The following SRGAP2C variants were observed in gnomAD, a reference collection of about 807,000 sequenced individuals.
The protein encoded by SRGAP2C is SLIT-ROBO Rho GTPase activating protein 2C, also known as SLIT-ROBO Rho GTPase-activating protein 2C.
A neutral mutation model predicts 25.1 loss-of-function variants in SRGAP2C; 15 were observed. The observed-to-expected ratio is 0.60, with a 90% CI of 0.40 to 0.92. The LOEUF (loss-of-function observed/expected upper bound fraction) is 0.92, where lower values mean the gene tolerates loss of function less well. SRGAP2C is among the 40% of genes least tolerant of loss of function. SRGAP2C has a pLI of 0.00. For missense variants in SRGAP2C, 144 were observed against 264.4 expected (o/e 0.54, Z 3.16); for synonymous variants, 44 against 96.6 (o/e 0.46, Z 3.19).
chr1:121,368,075 CAA>C (rs60409686), intron 5 of SRGAP2C, among the ~76,000 whole-genome samples: 8 of 46,496 alleles, frequency 1.7e-4, no homozygotes, highest in African/African-American at 2.5e-4. Context: ...GACTCTGTCT[CAA>C]AAAAAAAAAA....
At chr1:121,305,992 AG>A (rs1657820977) in intron 3 of SRGAP2C, among the ~76,000 whole-genome samples, 1 of 152,204 alleles carries the variant, frequency 6.6e-6, no homozygotes, top group Non-Finnish European at 1.5e-5. Flanking sequence ...TAATCAAGCT[AG>A]GGCTGTTGGT....
At chr1:121,295,725 T>C (rs1293023024) in intron 3 of SRGAP2C, among the ~76,000 whole-genome samples, 8 of 150,688 alleles carry the variant, frequency 5.3e-5, no homozygotes, top group African/African-American at 2.0e-4. Context: ...AGAGAGGGGC[T>C]TTTTTGTTTT....
In SRGAP2C at chr1:121,340,739, G is replaced by A. The variant is rs1345020897; in HGVS notation, c.423+16099G>A. On this transcript the variant is annotated intron_variant, in intron 4 of 9. Transcript: ENST00000367123. ...ATGTTCTTTTAATTACCTGCTGCCA[G>A]GATTCTCAATTAGCCATCTGTTTCT... Among the ~76,000 whole-genome samples, 3 of 151,624 alleles carry A rather than the reference G, an allele frequency of 2.0e-5. No homozygotes were observed. The South Asian group carries it at 6.3e-4, about 32-fold the overall frequency.
intron 3 of SRGAP2C, among the ~76,000 whole-genome samples, chr1:121,308,528 C>T: frequency 6.7e-6 from 1 of 150,168 alleles, no homozygotes; most frequent in Admixed American, 6.6e-5. Context: ...GTGAGCCTGG[C>T]ACTTTGGGAG....
At chr1:121,339,152 A>G (rs1658590181) in intron 4 of SRGAP2C, among the ~76,000 whole-genome samples, 1 of 150,918 alleles carries the variant, frequency 6.6e-6, no homozygotes, top group African/African-American at 2.4e-5. Context: ...ATGTCATTGC[A>G]TCTTCTTTTA....
intron 4 of SRGAP2C, among the ~76,000 whole-genome samples, chr1:121,359,510 C>A (rs1384902144): frequency 6.6e-6 from 1 of 152,146 alleles, no homozygotes; most frequent in Non-Finnish European, 1.5e-5. Flanking sequence ...CCAAGCATAC[C>A]TGTTACCAGC....
At position 121,184,993 on chromosome 1, in the gene SRGAP2C, C is replaced by A. The variant is rs375783820; in HGVS notation, c.-674C>A. ...TCCCGGCGGGGTCCTGCGGAGTTGG[C>A]GGAGGCGGCGGAGGCTCCTCCAGGG... On this transcript the variant is annotated 5_prime_UTR_variant, in exon 1 of 10. Coordinates refer to ENST00000367123, the MANE Select transcript of SRGAP2C (RefSeq NM_001329984.2). 1.0e-4 allele frequency: 53 copies of A among 510,300 alleles called. No individual in the cohort carries two copies. In the East Asian group the frequency reaches 1.6e-3, roughly 15 times the overall value. 31.6% of individuals were successfully genotyped at this position (510,300 alleles called of 1,614,324 possible).
intron 4 of SRGAP2C, chr1:121,360,873 G>A (rs1483224056): frequency 7.9e-5 from 12 of 151,658 alleles, no homozygotes; most frequent in South Asian, 6.3e-4. Context: ...TTAACAGTTG[G>A]TCTCTGAACA....
intron 2 of SRGAP2C, among the ~76,000 whole-genome samples, chr1:121,188,422 T>C (rs1388472502): frequency 1.3e-5 from 2 of 150,164 alleles, no homozygotes; most frequent in Non-Finnish European, 1.5e-5. Context: ...ATAGGAAGGG[T>C]TCCTGCCTGT....
intron 5 of SRGAP2C, among the ~76,000 whole-genome samples, chr1:121,365,648 G>T (rs1202376869): frequency 1.1e-5 from 1 of 92,514 alleles, no homozygotes; most frequent in African/African-American, 3.9e-5. Context: ...TGGCACAATG[G>T]ACCCCGTTAG....
chr1:121,188,456 T>C (rs1553319305), intron 2 of SRGAP2C, among the ~76,000 whole-genome samples: 1 of 148,554 alleles, frequency 6.7e-6, no homozygotes, highest in Non-Finnish European at 1.5e-5. Context: ...CATGTGTTTG[T>C]GCAAGGCACT....
intron 2 of SRGAP2C, among the ~76,000 whole-genome samples, chr1:121,198,270 A>C (rs587624871): frequency 6.9e-6 from 1 of 143,942 alleles, no homozygotes; most frequent in South Asian, 2.1e-4. Flanking sequence ...GGAAGAAGGC[A>C]TATTCTCTTT....
intron 2 of SRGAP2C, among the ~76,000 whole-genome samples, chr1:121,271,095 C>T (rs1284947016): frequency 6.6e-6 from 1 of 151,396 alleles, no homozygotes; most frequent in Non-Finnish European, 1.5e-5. Flanking sequence ...CCGCGCCCAG[C>T]TGGACTGTTT....
At chr1:121,360,001 A>C (rs1482613960) in intron 4 of SRGAP2C, among the ~76,000 whole-genome samples, 2 of 151,954 alleles carry the variant, frequency 1.3e-5, no homozygotes, top group African/African-American at 4.8e-5. Context: ...ACCAATCAGC[A>C]CTCTGTAAAA....
At chr1:121,307,362 G>T (rs1455856087) in intron 3 of SRGAP2C, among the ~76,000 whole-genome samples, 6 of 151,832 alleles carry the variant, frequency 4.0e-5, no homozygotes, top group African/African-American at 1.2e-4. Context: ...CCTCACTAAT[G>T]GGTTGAATCC....
intron 3 of SRGAP2C, among the ~76,000 whole-genome samples, chr1:121,298,191 T>C (rs1315853282): frequency 1.4e-5 from 2 of 146,756 alleles, no homozygotes; most frequent in Non-Finnish European, 3.0e-5. Context: ...TTGTATGTTT[T>C]GTTCTGTAAG....
In SRGAP2C at chr1:121,314,213, C is replaced by T. The variant is rs878994943; in HGVS notation, c.261-10265C>T. On this transcript the variant is annotated intron_variant, in intron 3 of 9. Coordinates refer to ENST00000367123, the MANE Select transcript of SRGAP2C (RefSeq NM_001329984.2). ...GCTGATACCCTTTCTTCCAGTTGATCGCATCGGCTCCTGAGGCTTCTGCAT... is the reference window on the plus strand; with the variant it reads ...GCTGATACCCTTTCTTCCAGTTGATTGCATCGGCTCCTGAGGCTTCTGCAT... Among the ~76,000 whole-genome samples, 261 of 131,896 alleles carry T rather than the reference C, an allele frequency of 2.0e-3. 3 individuals are homozygous for T. The highest frequency in any genetic ancestry group is 3.5e-3 in the Middle Eastern group (1 of 286). 86.5% of individuals were successfully genotyped at this position (131,896 alleles called of 152,430 possible). A position where few individuals can be genotyped will look rare whatever the true frequency, so the allele number is the denominator to read the frequency against.
chr1:121,201,741 C>T (rs1169562858), intron 2 of SRGAP2C, among the ~76,000 whole-genome samples: 2 of 152,184 alleles, frequency 1.3e-5, no homozygotes, highest in Non-Finnish European at 2.9e-5. Context: ...GCTATTTGGC[C>T]TGTGGAGATT....
At chr1:121,263,326 AAAAC>A (rs373220475) in intron 2 of SRGAP2C, among the ~76,000 whole-genome samples, 1,531 of 151,408 alleles carry the variant, frequency 0.01, 28 homozygotes, top group African/African-American at 0.035. Flanking sequence ...TCTGTCTCAA[AAAAC>A]AAACAAACAA....
Sources: gnomAD v4.1 joint callset for allele counts (sites outside exome capture counted in the v4.1 genomes callset) on GRCh38, gnomAD v4.1.1 for gene constraint, MANE v1.5 for transcripts, NCBI Gene and HGNC (gene_info 2026-07-23, HGNC 2026-07-21) for gene names.